Variants in MRPL39 observed in about 807,000 individuals in gnomAD.
MRPL39 encodes the protein large ribosomal subunit protein mL39.
Under a neutral mutation model 44.5 loss-of-function variants are expected in MRPL39, and 35 were observed. The ratio of observed to expected loss-of-function variants is 0.79; its 90% CI spans 0.60 to 1.04. The LOEUF is 1.04. MRPL39 is among the 50% of genes least tolerant of loss of function. MRPL39 has a pLI of 0.00. For missense variants in MRPL39, 433 were observed against 413.5 expected (o/e 1.05, Z -0.41); for synonymous variants, 139 against 136.1 (o/e 1.02, Z -0.15).
Position 25,603,927 on chromosome 21 carries a change from C to G in MRPL39, c.289G>C (p.Glu97Gln). The change falls in exon 3 of 10, where the codon GAG becomes CAG. Residue 97 changes from glutamate (E) to glutamine (Q), a missense_variant. Physicochemically the swap from Glu to Gln is conservative, Grantham distance 29 (BLOSUM62 2). Transcript: ENST00000352957. ...AGAATGGACTTCCTGCAATACCACT[C>G]GCTTAAATCTAGAAATTTAAAACAG... ...TPYSCAMHLS[E>Q]WYCRKSILAL... 1.9e-6 allele frequency: 3 copies of G among 1,605,732 alleles called. No homozygotes were observed. Among genetic ancestry groups the G allele is most frequent in the Non-Finnish European group, 2.5e-6 (3 of 1,177,870 alleles).
chr21:25,598,100 T>C (rs1422016018), intron 5 of MRPL39, among the ~76,000 whole-genome samples: 3 of 152,118 alleles, frequency 2.0e-5, no homozygotes, highest in Non-Finnish European at 4.4e-5. Flanking sequence ...ATTATTTCCA[T>C]AAAAATCCTA....
intron 9 of MRPL39, among the ~76,000 whole-genome samples, chr21:25,586,873 T>C (rs913521646): frequency 7.2e-5 from 11 of 152,182 alleles, no homozygotes; most frequent in Admixed American, 2.6e-4. Context: ...GAGCCCCACA[T>C]GTACACCTGA....
chr21:25,596,077 A>G (rs181419430), intron 6 of MRPL39, among the ~76,000 whole-genome samples: 99 of 152,172 alleles, frequency 6.5e-4, no homozygotes, highest in African/African-American at 2.0e-3. Context: ...ACTTTGGGAG[A>G]CCGTTGAGTG....
chr21:25,607,290 A>T, intron 1 of MRPL39, 113 bp downstream of exon 1: 1 of 1,145,248 alleles, frequency 8.7e-7, no homozygotes, highest in Non-Finnish European at 1.3e-6. Flanking sequence ...GGACTAAGAA[A>T]CCCTCCTCCT....
intron 6 of MRPL39, among the ~76,000 whole-genome samples, chr21:25,595,664 A>G (rs2123237985): frequency 6.7e-6 from 1 of 149,992 alleles, no homozygotes; most frequent in African/African-American, 2.4e-5. Context: ...GAAAAAGAAT[A>G]TAAAATAACA....
chr21:25,604,397 AG>A (rs1166162680), intron 2 of MRPL39, among the ~76,000 whole-genome samples: 2 of 152,212 alleles, frequency 1.3e-5, no homozygotes, highest in African/African-American at 4.8e-5. Flanking sequence ...TAATGAAAAA[AG>A]TTACACTTGA....
At chr21:25,597,850 GAA>G (rs1237350046) in intron 5 of MRPL39, among the ~76,000 whole-genome samples, 1 of 152,054 alleles carries the variant, frequency 6.6e-6, no homozygotes, top group Non-Finnish European at 1.5e-5. Flanking sequence ...TCTTAATTAA[GAA>G]AGTTTCACTA....
intron 8 of MRPL39, among the ~76,000 whole-genome samples, chr21:25,591,195 A>G (rs929635971): frequency 1.3e-5 from 2 of 150,100 alleles, no homozygotes; most frequent in African/African-American, 5.0e-5. Context: ...TTAGGAGGGA[A>G]AAAAAAAAGG....
chr21:25,607,483 G>A (rs1264522188), upstream of MRPL39: 3 of 1,610,200 alleles, frequency 1.9e-6, no homozygotes, highest in Admixed American at 3.3e-5. Flanking sequence ...CATAGCAGCG[G>A]TGAGAACCGT....
intron 6 of MRPL39, among the ~76,000 whole-genome samples, chr21:25,596,413 A>C (rs1441110102): frequency 6.6e-6 from 1 of 152,210 alleles, no homozygotes; most frequent in Non-Finnish European, 1.5e-5. Context: ...AAATTTTTTA[A>C]GCCACTGTTC....
intron 2 of MRPL39, among the ~76,000 whole-genome samples, chr21:25,604,431 G>A (rs1255043044): frequency 6.6e-6 from 1 of 152,070 alleles, no homozygotes; most frequent in East Asian, 1.9e-4. Context: ...CAGCATCATG[G>A]ATACATTTGG....
Position 25,603,779 on chromosome 21 carries a change from T to C in MRPL39, c.420+17A>G, listed in dbSNP as rs2031586481. ...AGATACTGGGGAAATAGAAAAAGAA[T>C]GTAGAGATAGAAATACCTTATTCAC... On this transcript the variant is annotated intron_variant, in intron 3 of 9. Transcript: ENST00000352957. The C allele has an allele frequency of 3.1e-6, 5 of 1,590,000 alleles. No individual in the cohort carries two copies. Among genetic ancestry groups the C allele is most frequent in the South Asian group, 1.1e-5 (1 of 87,872 alleles).
chr21:25,591,741 G>T (rs2031185556), intron 8 of MRPL39, among the ~76,000 whole-genome samples: 1 of 151,986 alleles, frequency 6.6e-6, no homozygotes, highest in South Asian at 2.1e-4. Context: ...ATGTAAAATG[G>T]TACCGTCACT....
intron 9 of MRPL39, among the ~76,000 whole-genome samples, chr21:25,586,291 A>G (rs1601365349): frequency 6.6e-6 from 1 of 152,178 alleles, no homozygotes; most frequent in African/African-American, 2.4e-5. Context: ...ACCTAAGGAC[A>G]GCATTCAAGA....
At chr21:25,607,346 TAGAC>T in intron 1 of MRPL39, 53 bp downstream of exon 1, 1 of 1,599,390 alleles carries the variant, frequency 6.3e-7, no homozygotes, top group Non-Finnish European at 8.6e-7. Context: ...AGACCCAATC[TAGAC>T]AGACACCACT....
intron 9 of MRPL39, chr21:25,587,644 T>C (rs2031039575): frequency 8.1e-7 from 1 of 1,227,746 alleles, no homozygotes; most frequent in African/African-American, 1.5e-5. Context: ...AAAAATAGTA[T>C]GTGGACATAT....
In MRPL39 at chr21:25,606,547, C is replaced by G. The variant is rs969278422; in HGVS notation, c.182G>C (p.Arg61Pro). The G allele has an allele frequency of 1.2e-6, 2 of 1,613,896 alleles. No individual in the cohort carries two copies. Among genetic ancestry groups the G allele is most frequent in the Non-Finnish European group, 1.7e-6 (2 of 1,179,818 alleles). ...EKARQLSLTP[R>P]TEKIEVKHVG... ...ATGCTTAACTTCTATCTTCTCAGTT[C>G]GGGGAGTTAATGATAACTGCCTGGC... Residue 61 changes from arginine to proline, a missense_variant, in exon 2 of 10, where the codon CGA (arginine) becomes CCA (proline). Arg to Pro is a moderately radical substitution (Grantham distance 103). Coordinates refer to ENST00000352957, the MANE Select transcript of MRPL39 (RefSeq NM_017446.4).
intron 5 of MRPL39, among the ~76,000 whole-genome samples, chr21:25,599,120 C>T (rs1227637295): frequency 3.9e-5 from 6 of 152,212 alleles, no homozygotes; most frequent in African/African-American, 1.4e-4. Context: ...ACCATCAGCA[C>T]CCCTTACCTA....
At chr21:25,604,076 CTA>C in intron 2 of MRPL39, 141 bp from the exon 3 acceptor site, 1 of 711,054 alleles carries the variant, frequency 1.4e-6, no homozygotes, top group Non-Finnish European at 2.2e-6. Flanking sequence ...TATATTACGT[CTA>C]TAATCAATTA....
Sources: allele counts gnomAD v4.1 joint callset (sites outside exome capture counted in the v4.1 genomes callset), GRCh38; gene constraint gnomAD v4.1.1; transcripts MANE v1.5; gene names NCBI Gene and HGNC (gene_info 2026-07-23, HGNC 2026-07-21).